The following PAK5 variants were observed in gnomAD, a reference collection of about 807,000 sequenced individuals.
PAK5 encodes p21 (RAC1) activated kinase 5, also known as serine/threonine-protein kinase PAK 5.
Under a neutral mutation model 65.9 loss-of-function variants are expected in PAK5, and 16 were observed. The observed-to-expected ratio is 0.24, with a 90% CI of 0.16 to 0.37. PAK5 has a LOEUF of 0.37. PAK5 is among the 10% of genes least tolerant of loss of function. The pLI is 1.00. For synonymous variants in PAK5, 371 were observed against 354.9 expected, an observed-to-expected ratio of 1.05 and a Z score of -0.51; for missense variants, 785 against 903.9, an observed-to-expected ratio of 0.87 and a Z score of 1.69.
At chr20:9,798,034 G>C (rs2123729737) in intron 1 of PAK5, among the ~76,000 whole-genome samples, 1 of 152,256 alleles carries the variant, frequency 6.6e-6, no homozygotes, top group South Asian at 2.1e-4. Context: ...ACTATTAGCT[G>C]TGGCATATGT....
At chr20:9,797,263 T>C (rs2049115247) in intron 1 of PAK5, among the ~76,000 whole-genome samples, 1 of 152,098 alleles carries the variant, frequency 6.6e-6, no homozygotes, top group South Asian at 2.1e-4. Flanking sequence ...TAAATTTGTT[T>C]GTGTTCTTTG....
chr20:9,696,796 C>T (rs1488578001), intron 2 of PAK5, among the ~76,000 whole-genome samples: 2 of 151,870 alleles, frequency 1.3e-5, no homozygotes, highest in Admixed American at 1.3e-4. Context: ...TTTTAATTTT[C>T]ATTTTTGTGG....
intron 2 of PAK5, among the ~76,000 whole-genome samples, chr20:9,676,281 G>T (rs2047570874): frequency 6.6e-6 from 1 of 151,632 alleles, no homozygotes; most frequent in Non-Finnish European, 1.5e-5. Flanking sequence ...TGAGATTTGG[G>T]TGAGGACACA....
chr20:9,574,327 G>A (rs1361057608), intron 4 of PAK5, among the ~76,000 whole-genome samples: 2 of 152,254 alleles, frequency 1.3e-5, no homozygotes, highest in South Asian at 2.1e-4. Context: ...TCAGGCATAC[G>A]GGTATTCCAG....
chr20:9,539,401 T>C lies in PAK5; in HGVS notation c.*61A>G. 1 of 1,531,042 alleles carries C rather than the reference T, an allele frequency of 6.5e-7. No individual in the cohort carries two copies. Among genetic ancestry groups the C allele is most frequent in the Non-Finnish European group, 9.0e-7 (1 of 1,109,806 alleles). The allele number at this position is 1,531,042 out of a possible 1,614,324, so 94.8% of individuals were successfully genotyped here. A position where few individuals can be genotyped will look rare whatever the true frequency, so the allele number is the denominator to read the frequency against. Reference sequence around the variant, plus strand: ...CCTTTTGCATGTTCTGTGTTTCCTTTTGTTCTCCTGAATTATTCTCATGTC... The same window carrying C: ...CCTTTTGCATGTTCTGTGTTTCCTTCTGTTCTCCTGAATTATTCTCATGTC... On this transcript the variant is annotated 3_prime_UTR_variant, in exon 10 of 10. Transcript: ENST00000353224.
intron 1 of PAK5, among the ~76,000 whole-genome samples, chr20:9,748,848 CTT>C (rs1188021884): frequency 6.6e-6 from 1 of 152,066 alleles, no homozygotes; most frequent in Non-Finnish European, 1.5e-5. Context: ...GAATGAGAAA[CTT>C]ATTTAATTAA....
At chr20:9,726,686 G>A (rs1014288156) in intron 1 of PAK5, among the ~76,000 whole-genome samples, 5 of 152,082 alleles carry the variant, frequency 3.3e-5, no homozygotes, top group African/African-American at 1.2e-4. Flanking sequence ...CAAAGGGGAG[G>A]GAGAACATTA....
chr20:9,803,882 C>A (rs1002328651), intron 1 of PAK5, among the ~76,000 whole-genome samples: 11 of 152,062 alleles, frequency 7.2e-5, no homozygotes, highest in African/African-American at 2.7e-4. Flanking sequence ...GTTTGTAAGG[C>A]ACCATAAATG....
At chr20:9,571,303 A>G (rs2045776306) in intron 4 of PAK5, among the ~76,000 whole-genome samples, 1 of 152,228 alleles carries the variant, frequency 6.6e-6, no homozygotes, top group Non-Finnish European at 1.5e-5. Flanking sequence ...GCGGGGTTCC[A>G]TGATGGTGCG....
intron 1 of PAK5, among the ~76,000 whole-genome samples, chr20:9,782,939 T>A (rs905290958): frequency 2.0e-5 from 3 of 149,914 alleles, no homozygotes; most frequent in Non-Finnish European, 3.0e-5. Flanking sequence ...TTTTTTTTCT[T>A]TTTTTTTAAG....
intron 1 of PAK5, among the ~76,000 whole-genome samples, chr20:9,776,728 C>G (rs1346846617): frequency 6.6e-6 from 1 of 152,112 alleles, no homozygotes; most frequent in East Asian, 1.9e-4. Context: ...AGCCTAAAAG[C>G]AGACCTCCCA....
At chr20:9,653,029 C>G (rs2047221366) in intron 2 of PAK5, among the ~76,000 whole-genome samples, 5 of 152,172 alleles carry the variant, frequency 3.3e-5, no homozygotes, top group Admixed American at 3.3e-4. Flanking sequence ...CATCATCAGA[C>G]CTTTCTGCTC....
chr20:9,775,388 C>T (rs542825695), intron 1 of PAK5, among the ~76,000 whole-genome samples: 19 of 152,258 alleles, frequency 1.2e-4, no homozygotes, highest in African/African-American at 4.1e-4. Context: ...ACTGTTCATT[C>T]CACCCACAGG....
At chr20:9,680,359 A>G (rs1239378324) in intron 2 of PAK5, among the ~76,000 whole-genome samples, 3 of 152,168 alleles carry the variant, frequency 2.0e-5, no homozygotes, top group African/African-American at 7.2e-5. Flanking sequence ...CCTTTACCTG[A>G]GATATCTCAG....
intron 7 of PAK5, among the ~76,000 whole-genome samples, chr20:9,550,863 C>T (rs1336534952): frequency 6.6e-6 from 1 of 151,604 alleles, no homozygotes; most frequent in African/African-American, 2.4e-5. Flanking sequence ...ATTTAAGAAA[C>T]CTGAATGGTT....
intron 1 of PAK5, among the ~76,000 whole-genome samples, chr20:9,757,196 T>G (rs902845698): frequency 1.3e-5 from 2 of 151,374 alleles, no homozygotes; most frequent in African/African-American, 4.9e-5. Context: ...TCTCAGGGTC[T>G]ACTTGTGGTA....
At chr20:9,618,093 ATGT>A (rs1345239099) in intron 3 of PAK5, among the ~76,000 whole-genome samples, 1 of 152,208 alleles carries the variant, frequency 6.6e-6, no homozygotes, top group East Asian at 1.9e-4. Flanking sequence ...TTATGTAAGC[ATGT>A]GACAAATAGG....
chr20:9,838,205 G>GCGCA lies in PAK5; in HGVS notation c.-162+556_-162+557insTGCG, dbSNP rs150799392. On this transcript the variant is annotated intron_variant, in intron 1 of 9. Transcript: ENST00000353224. The surrounding 1 kb of genome is among the most constrained non-coding windows in gnomAD (Gnocchi z 4.5). ...GGCGCGCGCGCACACACACACGCGC[G>GCGCA]CACACACACACACACACAAATAACA... is the stretch of plus-strand genomic sequence containing the variant. Among the ~76,000 whole-genome samples the GCGCA allele has an allele frequency of 6.4e-4, 96 of 150,590 alleles. No homozygotes were observed. In the Middle Eastern group the frequency reaches 0.017, roughly 27 times the overall value.
intron 2 of PAK5, among the ~76,000 whole-genome samples, chr20:9,703,122 A>G (rs910067869): frequency 6.6e-6 from 1 of 152,158 alleles, no homozygotes; most frequent in Admixed American, 6.5e-5. Context: ...TGAGACTGTC[A>G]AAGAACTTGT....
Sources: gnomAD v4.1 joint callset for allele counts (sites outside exome capture counted in the v4.1 genomes callset) on GRCh38, gnomAD v4.1.1 for gene constraint, Gnocchi (gnomAD v3.1) non-coding constraint, MANE v1.5 for transcripts, NCBI Gene and HGNC (gene_info 2026-07-23, HGNC 2026-07-21) for gene names.